The following H1-0 variants were observed in gnomAD, a reference collection of about 807,000 sequenced individuals.
The protein encoded by H1-0 is histone H1.0.
H1-0 carries 5 observed loss-of-function variants against 8.8 expected under a neutral mutation model. The observed-to-expected ratio is 0.57, with a 90% CI of 0.30 to 1.19. The LOEUF (loss-of-function observed/expected upper bound fraction) is 1.19. Ranked by LOEUF, H1-0 falls within the 50% of genes most tolerant of loss-of-function variation. The probability of loss-of-function intolerance (pLI) is 0.08; values close to 1 mark genes in which losing one functional copy is unlikely to be tolerated. For missense variants in H1-0, 231 were observed against 242.0 expected (o/e 0.95, Z 0.30); for synonymous variants, 143 against 101.4 (o/e 1.41, Z -2.46).
rs1323072612 is a variant in H1-0 at position 37,805,431 on chromosome 22, A to G, written c.-114A>G. On this transcript the variant is annotated 5_prime_UTR_variant, in exon 1 of 1. Coordinates refer to ENST00000340857, the MANE Select transcript of H1-0 (RefSeq NM_005318.4). ...CGCATCCCCGGGAGCCGCACTCCAG[A>G]CTGGCCCGGTAGTCAGGGGCTCAGG... The G allele has an allele frequency of 8.2e-6, 6 of 734,978 alleles. No homozygotes were observed. Among genetic ancestry groups the G allele is most frequent in the African/African-American group, 1.8e-5 (1 of 56,262 alleles). 45.5% of individuals were successfully genotyped at this position (734,978 alleles called of 1,614,324 possible). A position where few individuals can be genotyped will look rare whatever the true frequency, so the allele number is the denominator to read the frequency against.
rs1921030967 is a variant in H1-0, at chr22:37,807,120, T to C, written c.*991T>C. On this transcript the variant is annotated 3_prime_UTR_variant, in exon 1 of 1. Transcript: ENST00000340857. ...GTAGCTGCGGGAGGGGGAGGGGGAG[T>C]GGGCGGGCAGTGGATAGTAAGACTT... 1 of 165,018 alleles carries C rather than the reference T, an allele frequency of 6.1e-6. No individual in the cohort carries two copies. The highest frequency in any genetic ancestry group is 2.1e-4 in the South Asian group (1 of 4,734). 10.2% of individuals were successfully genotyped at this position (165,018 alleles called of 1,614,324 possible).
In H1-0 at chr22:37,805,829, A is replaced by G. The variant is rs753395584; in HGVS notation, c.285A>G (p.Leu95=). The G allele has an allele frequency of 3.1e-6, 5 of 1,614,020 alleles. No homozygotes were observed. The South Asian group carries it at 5.5e-5, about 18-fold the overall frequency. The part of the protein sequence containing the change: ...KGVGASGSFR[L]AKSDEPKKSV... ...TGGGGGCCTCGGGGTCCTTCCGGCT[A>G]GCCAAGAGCGACGAACCCAAGAAGT... Residue 95 remains leucine (L), a synonymous_variant, in exon 1 of 1, where the codon CTA becomes CTG. Transcript: ENST00000340857.
rs1352538082 is a variant in H1-0, at chr22:37,806,801, T to C, written c.*672T>C. The stretch of plus-strand genomic sequence containing the variant: ...CAGCTGGATGGGAGAAGCCATAGTT[T>C]CTCCCAGTCAGCTAGGATGTAGCCA... On this transcript the variant is annotated 3_prime_UTR_variant, in exon 1 of 1. Coordinates refer to ENST00000340857, the MANE Select transcript of H1-0 (RefSeq NM_005318.4). The C allele has an allele frequency of 6.0e-6, 1 of 167,086 alleles. No homozygotes were observed. Among genetic ancestry groups the C allele is most frequent in the Non-Finnish European group, 1.5e-5 (1 of 68,182 alleles). The allele number at this position is 167,086 out of a possible 1,614,324, so 10.4% of individuals were successfully genotyped here.
rs142971115 is a variant in H1-0, at chr22:37,807,022, T to G, written c.*893T>G. The G allele has an allele frequency of 1.2e-5, 2 of 167,128 alleles. No homozygotes were observed. Among genetic ancestry groups the G allele is most frequent in the East Asian group, 3.9e-4 (2 of 5,168 alleles). 10.4% of individuals were successfully genotyped at this position (167,128 alleles called of 1,614,324 possible). The stretch of plus-strand genomic sequence containing the variant: ...TGTTCCTCCTGTACAAGAGGTGTCT[T>G]TGCTTGGTTTGGTGGGGCTGCGGCC... On this transcript the variant is annotated 3_prime_UTR_variant, in exon 1 of 1. Transcript: ENST00000340857.
Position 37,805,766 on chromosome 22 carries a change from C to T in H1-0, c.222C>T (p.Arg74=), listed in dbSNP as rs1263907829. The change falls in exon 1 of 1, where the codon CGC becomes CGT. Residue 74 remains arginine, a synonymous_variant. Transcript: ENST00000340857. ...ADSQIKLSIK[R]LVTTGVLKQT... Reference sequence around the variant, plus strand: ...CGCAGATCAAGTTGTCCATCAAGCGCCTGGTCACCACCGGTGTCCTCAAGC... The same window carrying T: ...CGCAGATCAAGTTGTCCATCAAGCGTCTGGTCACCACCGGTGTCCTCAAGC... The T allele has an allele frequency of 3.7e-6, 6 of 1,613,992 alleles. No homozygotes were observed. The Admixed American group carries it at 6.7e-5, about 18-fold the overall frequency.
chr22:37,805,334 G>A lies in H1-0; in HGVS notation c.-211G>A. ...GACCAAGCGACAGACCGGCGGGGCT[G>A]GGCCTCGCAAAGCCGGCTCGGCGAG... On this transcript the variant is annotated 5_prime_UTR_variant, in exon 1 of 1. Transcript: ENST00000340857. 1 of 541,888 alleles carries A rather than the reference G, an allele frequency of 1.8e-6. No homozygotes were observed. The highest frequency in any genetic ancestry group is 3.3e-6 in the Non-Finnish European group (1 of 306,248). The allele number at this position is 541,888 out of a possible 1,614,324, so 33.6% of individuals were successfully genotyped here.
Position 37,805,567 on chromosome 22 carries a change from C to T in H1-0, c.23C>T (p.Ala8Val). The part of the protein sequence containing the change: MTENSTS[A>V]PAAKPKRAKA... Reference sequence around the variant, plus strand: ...ACCATGACCGAGAATTCCACGTCCGCCCCTGCGGCCAAGCCCAAGCGGGCC... The same window carrying T: ...ACCATGACCGAGAATTCCACGTCCGTCCCTGCGGCCAAGCCCAAGCGGGCC... Residue 8 changes from alanine (A) to valine (V), a missense_variant, in exon 1 of 1, where the codon GCC becomes GTC. By Grantham distance (64) the Ala-to-Val change is moderately conservative. Transcript: ENST00000340857. 1.2e-6 allele frequency: 2 copies of T among 1,612,758 alleles called. No homozygotes were observed. The highest frequency in any genetic ancestry group is 1.7e-6 in the Non-Finnish European group (2 of 1,179,164).
chr22:37,806,091 G>C lies in H1-0; in HGVS notation c.547G>C (p.Ala183Pro). The change falls in exon 1 of 1, where the codon GCA (alanine) becomes CCA (proline). Residue 183 changes from alanine (A) to proline (P), a missense_variant. Coordinates refer to ENST00000340857, the MANE Select transcript of H1-0 (RefSeq NM_005318.4). ...AAAGGCCAAACCAGTGAAACCCAAA[G>C]CAAAGTCCAGTGCCAAGAGGGCCGG... ...PKKAKPVKPK[A>P]KSSAKRAGKK... 6.2e-7 allele frequency: 1 copy of C among 1,613,802 alleles called. No individual in the cohort carries two copies. Among genetic ancestry groups the C allele is most frequent in the Non-Finnish European group, 8.5e-7 (1 of 1,179,878 alleles).
Position 37,805,328 on chromosome 22 carries a change from G to GGGGCT in H1-0, c.-212_-208dup. ...TGCCGAGACCAAGCGACAGACCGGC[G>GGGGCT]GGGCTGGGCCTCGCAAAGCCGGCTC... On this transcript the variant is annotated 5_prime_UTR_variant, in exon 1 of 1. Coordinates refer to ENST00000340857, the MANE Select transcript of H1-0 (RefSeq NM_005318.4). 1.9e-6 allele frequency: 1 copy of GGGGCT among 537,648 alleles called. No homozygotes were observed. The highest frequency in any genetic ancestry group is 3.2e-5 in the East Asian group (1 of 31,368). The allele number at this position is 537,648 out of a possible 1,614,324, so 33.3% of individuals were successfully genotyped here. A position where few individuals can be genotyped will look rare whatever the true frequency, so the allele number is the denominator to read the frequency against.
At position 37,805,356 on chromosome 22, in the gene H1-0, C is replaced by T. The variant is rs1306954086; in HGVS notation, c.-189C>T. 6 of 549,954 alleles carry T rather than the reference C, an allele frequency of 1.1e-5. No individual in the cohort carries two copies. The highest frequency in any genetic ancestry group is 3.5e-5 in the Admixed American group (1 of 28,932). 34.1% of individuals were successfully genotyped at this position (549,954 alleles called of 1,614,324 possible). A position where few individuals can be genotyped will look rare whatever the true frequency, so the allele number is the denominator to read the frequency against. Reference sequence around the variant, plus strand: ...GCTGGGCCTCGCAAAGCCGGCTCGGCGAGCTCTCCCGACACCCGAGCCGGG... The same window carrying T: ...GCTGGGCCTCGCAAAGCCGGCTCGGTGAGCTCTCCCGACACCCGAGCCGGG... On this transcript the variant is annotated 5_prime_UTR_variant, in exon 1 of 1. Transcript: ENST00000340857.
chr22:37,806,186 T>G lies in H1-0; in HGVS notation c.*57T>G, dbSNP rs1364516542. 1.2e-5 allele frequency: 16 copies of G among 1,308,930 alleles called. No homozygotes were observed. Among genetic ancestry groups the G allele is most frequent in the Non-Finnish European group, 1.7e-5 (16 of 953,306 alleles). The allele number at this position is 1,308,930 out of a possible 1,614,324, so 81.1% of individuals were successfully genotyped here. A position where few individuals can be genotyped will look rare whatever the true frequency, so the allele number is the denominator to read the frequency against. On this transcript the variant is annotated 3_prime_UTR_variant, in exon 1 of 1. Coordinates refer to ENST00000340857, the MANE Select transcript of H1-0 (RefSeq NM_005318.4). Reference sequence around the variant, plus strand: ...CTGTCTCCTATTTTCTGTAAATAATTTTCTCCTTTTTTCTCTCTTGATGCT... The same window carrying G: ...CTGTCTCCTATTTTCTGTAAATAATGTTCTCCTTTTTTCTCTCTTGATGCT...
rs1219981097 is a variant in H1-0, at chr22:37,806,221, C to G, written c.*92C>G. 1.3e-5 allele frequency: 12 copies of G among 905,560 alleles called. No individual in the cohort carries two copies. The highest frequency in any genetic ancestry group is 1.5e-5 in the Non-Finnish European group (9 of 596,832). 56.1% of individuals were successfully genotyped at this position (905,560 alleles called of 1,614,324 possible). A position where few individuals can be genotyped will look rare whatever the true frequency, so the allele number is the denominator to read the frequency against. ...TTTCTCTCTTGATGCTCACCACCAC[C>G]TTTTGCCCCCTTCTGTTCTGACTTT... is the stretch of plus-strand genomic sequence containing the variant. On this transcript the variant is annotated 3_prime_UTR_variant, in exon 1 of 1. Transcript: ENST00000340857.
Position 37,805,661 on chromosome 22 carries a change from G to A in H1-0, c.117G>A (p.Glu39=), listed in dbSNP as rs779690043. Residue 39 remains glutamate, a synonymous_variant, in exon 1 of 1, where the codon GAG becomes GAA. Transcript: ENST00000340857. ...TGATCGTGGCTGCCATCCAGGCCGA[G>A]AAGAACCGCGCTGGCTCCTCGCGCC... The part of the protein sequence containing the change: ...SDMIVAAIQA[E]KNRAGSSRQS... 18 of 1,614,046 alleles carry A rather than the reference G, an allele frequency of 1.1e-5. No homozygotes were observed. In the East Asian group the frequency reaches 3.6e-4, roughly 32 times the overall value.
Position 37,807,023 on chromosome 22 carries a change from T to C in H1-0, c.*894T>C, listed in dbSNP as rs1185958084. On this transcript the variant is annotated 3_prime_UTR_variant, in exon 1 of 1. Coordinates refer to ENST00000340857, the MANE Select transcript of H1-0 (RefSeq NM_005318.4). ...GTTCCTCCTGTACAAGAGGTGTCTT[T>C]GCTTGGTTTGGTGGGGCTGCGGCCA... is the stretch of plus-strand genomic sequence containing the variant. 1 of 166,908 alleles carries C rather than the reference T, an allele frequency of 6.0e-6. No homozygotes were observed. The highest frequency in any genetic ancestry group is 1.5e-5 in the Non-Finnish European group (1 of 68,080). 10.3% of individuals were successfully genotyped at this position (166,908 alleles called of 1,614,324 possible).
chr22:37,806,033 C>T lies in H1-0; in HGVS notation c.489C>T (p.Val163=). The change falls in exon 1 of 1, where the codon GTC becomes GTT. Residue 163 remains valine, a synonymous_variant. Coordinates refer to ENST00000340857, the MANE Select transcript of H1-0 (RefSeq NM_005318.4). ...AGAAAGCCAAAAAACCCAAGACTGT[C>T]AAAGCCAAGCCGGTCAAGGCATCCA... ...TPKKAKKPKT[V]KAKPVKASKP... is the part of the protein sequence containing the mutation. The T allele has an allele frequency of 6.2e-7, 1 of 1,614,064 alleles. No individual in the cohort carries two copies.
In H1-0 at chr22:37,806,031, G is replaced by C; in HGVS notation, c.487G>C (p.Val163Leu). 1.9e-6 allele frequency: 3 copies of C among 1,614,016 alleles called. No individual in the cohort carries two copies. The highest frequency in any genetic ancestry group is 2.5e-6 in the Non-Finnish European group (3 of 1,179,994). Residue 163 changes from valine to leucine, a missense_variant, in exon 1 of 1, where the codon GTC (valine) becomes CTC (leucine). Val to Leu is a conservative substitution (Grantham distance 32). Transcript: ENST00000340857. Reference sequence around the variant, plus strand: ...CAAGAAAGCCAAAAAACCCAAGACTGTCAAAGCCAAGCCGGTCAAGGCATC... The same window carrying C: ...CAAGAAAGCCAAAAAACCCAAGACTCTCAAAGCCAAGCCGGTCAAGGCATC... The part of the protein sequence containing the change: ...TPKKAKKPKT[V>L]KAKPVKASKP...
Position 37,805,455 on chromosome 22 carries a change from G to T in H1-0, c.-90G>T. ...GACTGGCCCGGTAGTCAGGGGCTCA[G>T]GAGCAGATCCCGAGGCAGGCTTTGC... On this transcript the variant is annotated 5_prime_UTR_variant, in exon 1 of 1. It adds an upstream start codon to the 5' untranslated region. Coordinates refer to ENST00000340857, the MANE Select transcript of H1-0 (RefSeq NM_005318.4). 1 of 941,050 alleles carries T rather than the reference G, an allele frequency of 1.1e-6. No individual in the cohort carries two copies. The highest frequency in any genetic ancestry group is 1.6e-6 in the Non-Finnish European group (1 of 618,432). The allele number at this position is 941,050 out of a possible 1,614,324, so 58.3% of individuals were successfully genotyped here.
Position 37,806,168 on chromosome 22 carries a change from C to T in H1-0, c.*39C>T. 6.8e-7 allele frequency: 1 copy of T among 1,467,264 alleles called. No individual in the cohort carries two copies. The highest frequency in any genetic ancestry group is 9.3e-7 in the Non-Finnish European group (1 of 1,078,624). 90.9% of individuals were successfully genotyped at this position (1,467,264 alleles called of 1,614,324 possible). ...TCTTGCGGACACTCCCTCCTGTCTC[C>T]TATTTTCTGTAAATAATTTTCTCCT... On this transcript the variant is annotated 3_prime_UTR_variant, in exon 1 of 1. Coordinates refer to ENST00000340857, the MANE Select transcript of H1-0 (RefSeq NM_005318.4).
rs1921040301 is a variant in H1-0, at chr22:37,807,279, C to CAGTT, written c.*1151_*1154dup. On this transcript the variant is annotated 3_prime_UTR_variant, in exon 1 of 1. Transcript: ENST00000340857. ...CGGGAGCTGGGAGAAAAAACCTGTACAGTTGTCTTTCTCTTATTTTTAATA... is the reference window on the plus strand; with the variant it reads ...CGGGAGCTGGGAGAAAAAACCTGTACAGTTAGTTGTCTTTCTCTTATTTTTAATA... The CAGTT allele has an allele frequency of 6.0e-6, 1 of 166,762 alleles. No homozygotes were observed. Among genetic ancestry groups the CAGTT allele is most frequent in the Non-Finnish European group, 1.5e-5 (1 of 68,156 alleles). The allele number at this position is 166,762 out of a possible 1,614,324, so 10.3% of individuals were successfully genotyped here.
Sources: gnomAD v4.1 joint callset for allele counts on GRCh38, gnomAD v4.1.1 for gene constraint, MANE v1.5 for transcripts, NCBI Gene and HGNC (gene_info 2026-07-23, HGNC 2026-07-21) for gene names.